MAST4: variants seen among roughly 807,000 people sequenced by gnomAD.
MAST4 encodes microtubule associated serine/threonine kinase family member 4, also known as microtubule-associated serine/threonine-protein kinase 4.
MAST4 carries 89 observed loss-of-function variants against 162.7 expected under a neutral mutation model. The observed-to-expected ratio is 0.55, with a 90% CI of 0.46 to 0.65. The LOEUF (loss-of-function observed/expected upper bound fraction) is 0.65. MAST4 is among the 30% of genes least tolerant of loss of function. The pLI is 0.00. For synonymous variants in MAST4, 1,479 were observed against 1,361.1 expected, an observed-to-expected ratio of 1.09 and a Z score of -1.91; for missense variants, 3,153 against 3,374.0, an observed-to-expected ratio of 0.93 and a Z score of 1.62.
chr5:67,065,483 T>C (rs1439627297), intron 5 of MAST4, among the ~76,000 whole-genome samples: 2 of 152,180 alleles, frequency 1.3e-5, no homozygotes, highest in Non-Finnish European at 2.9e-5. Context: ...GCAAACTAAC[T>C]GTTCCACAGA....
At chr5:66,797,258 T>A (rs1276493392) in intron 3 of MAST4, among the ~76,000 whole-genome samples, 1 of 152,214 alleles carries the variant, frequency 6.6e-6, no homozygotes, top group Admixed American at 6.5e-5. Flanking sequence ...GATTTTGGGA[T>A]GTAGCATTTC....
chr5:66,951,726 A>G (rs1443084560), intron 4 of MAST4, among the ~76,000 whole-genome samples: 1 of 150,480 alleles, frequency 6.6e-6, no homozygotes, highest in Non-Finnish European at 1.5e-5. Context: ...TGGAGTTAGT[A>G]ATTGGGGTGT....
intron 4 of MAST4, among the ~76,000 whole-genome samples, chr5:66,927,993 C>A (rs1327322770): frequency 6.6e-6 from 1 of 152,170 alleles, no homozygotes; most frequent in African/African-American, 2.4e-5. Flanking sequence ...TTTCTCTGGT[C>A]TGTACGTCTA....
At chr5:67,125,725 G>A (rs1412296157) in intron 14 of MAST4, among the ~76,000 whole-genome samples, 2 of 152,150 alleles carry the variant, frequency 1.3e-5, no homozygotes. Flanking sequence ...GTGTGCATGT[G>A]TCTTAATAGT....
intron 22 of MAST4, among the ~76,000 whole-genome samples, 169 bp downstream of exon 22, chr5:67,144,965 A>G (rs1770877929): frequency 6.6e-6 from 1 of 152,190 alleles, no homozygotes; most frequent in African/African-American, 2.4e-5. Flanking sequence ...TGCATTTCTG[A>G]CAAGTATCTA....
chr5:67,128,759 G>T (rs1768560359), intron 14 of MAST4, among the ~76,000 whole-genome samples: 1 of 151,996 alleles, frequency 6.6e-6, no homozygotes, highest in East Asian at 1.9e-4. Flanking sequence ...TTCAGGGATG[G>T]CTAAGTAACT....
At chr5:66,818,623 A>AT (rs1303474927) in intron 3 of MAST4, among the ~76,000 whole-genome samples, 9 of 152,124 alleles carry the variant, frequency 5.9e-5, no homozygotes, top group African/African-American at 2.2e-4. Flanking sequence ...CACTATATGC[A>AT]TATGTATGTG....
chr5:67,053,915 CATTT>C (rs1758480110), intron 4 of MAST4, among the ~76,000 whole-genome samples: 1 of 152,126 alleles, frequency 6.6e-6, no homozygotes, highest in South Asian at 2.1e-4. Context: ...TGGTGAGACA[CATTT>C]ATCTTAGGCA....
At chr5:66,628,574 A>C (rs995106790) in intron 1 of MAST4, among the ~76,000 whole-genome samples, 11 of 152,010 alleles carry the variant, frequency 7.2e-5, no homozygotes, top group Admixed American at 7.2e-4. Context: ...GCAAAGGAAA[A>C]ATTATTATTA....
chr5:67,159,275 C>T (rs987653765), intron 26 of MAST4, among the ~76,000 whole-genome samples: 7 of 150,920 alleles, frequency 4.6e-5, no homozygotes, highest in South Asian at 2.1e-4. Context: ...TTTACACATG[C>T]GTGAGAAAAA....
At chr5:66,926,951 C>CTATGTT (rs1764951177) in intron 4 of MAST4, among the ~76,000 whole-genome samples, 1 of 151,972 alleles carries the variant, frequency 6.6e-6, no homozygotes, top group Admixed American at 6.6e-5. Context: ...GAGCCTTCAG[C>CTATGTT]TATGTTTATG....
chr5:66,938,294 T>C (rs1319535504), intron 4 of MAST4, among the ~76,000 whole-genome samples: 1 of 152,188 alleles, frequency 6.6e-6, no homozygotes, highest in Non-Finnish European at 1.5e-5. Context: ...ATAAGAAATA[T>C]TAAAATTTAA....
At chr5:66,702,040 A>T (rs1455024200) in intron 1 of MAST4, among the ~76,000 whole-genome samples, 4 of 152,168 alleles carry the variant, frequency 2.6e-5, no homozygotes, top group Admixed American at 6.5e-5. Flanking sequence ...TTTTGCTCAG[A>T]TAATTGTGAG....
In MAST4 at chr5:66,596,838, T is replaced by TCAGCCGCCG; in HGVS notation, c.185_193dup (p.Gln62_Pro64dup). The TCAGCCGCCG allele has an allele frequency of 8.0e-7, 1 of 1,244,822 alleles. No individual in the cohort carries two copies. Among genetic ancestry groups the TCAGCCGCCG allele is most frequent in the East Asian group, 3.6e-5 (1 of 27,588 alleles). The allele number at this position is 1,244,822 out of a possible 1,614,324, so 77.1% of individuals were successfully genotyped here. On this transcript the variant is annotated inframe_insertion, in exon 1 of 29. Coordinates refer to ENST00000403625, the MANE Select transcript of MAST4 (RefSeq NM_001164664.2). ...AGCCCGGCGGCTTCTCCAGAGAGCA[T>TCAGCCGCCG]CAGCCGCCGCCGCCGCCGCCGTTGG...
intron 1 of MAST4, among the ~76,000 whole-genome samples, chr5:66,757,077 A>G (rs1753584295): frequency 6.6e-6 from 1 of 151,618 alleles, no homozygotes; most frequent in Non-Finnish European, 1.5e-5. Context: ...CATGTCTTTT[A>G]TGGCTTTCCT....
rs143124827 is a variant in MAST4, at chr5:66,659,281, C to T, written c.363+62263C>T. On this transcript the variant is annotated intron_variant, in intron 1 of 28. Transcript: ENST00000403625. ...CTTGATGACTATTCGGCCAATCAGA[C>T]GATGGGAAGTATAGCTTCCTTGTTT... Among the ~76,000 whole-genome samples the T allele has an allele frequency of 9.9e-5, 15 of 152,264 alleles. No homozygotes were observed. In the East Asian group the frequency reaches 1.5e-3, roughly 16 times the overall value.
intron 3 of MAST4, among the ~76,000 whole-genome samples, chr5:66,882,917 C>A (rs970832657): frequency 1.1e-4 from 17 of 152,238 alleles, no homozygotes; most frequent in African/African-American, 3.9e-4. Context: ...ATTACCGATA[C>A]AAGAAGAAGC....
intron 1 of MAST4, among the ~76,000 whole-genome samples, chr5:66,666,229 A>G (rs1057234045): frequency 5.3e-5 from 8 of 152,210 alleles, no homozygotes; most frequent in African/African-American, 7.2e-5. Context: ...ACCTTGGCTC[A>G]TATTTTTATT....
intron 5 of MAST4, among the ~76,000 whole-genome samples, chr5:67,072,059 C>T (rs1761064525): frequency 6.6e-6 from 1 of 152,050 alleles, no homozygotes; most frequent in Non-Finnish European, 1.5e-5. Flanking sequence ...AATATGCATG[C>T]ATGTGTGTTT....
Sources: allele counts gnomAD v4.1 joint callset (sites outside exome capture counted in the v4.1 genomes callset), GRCh38; gene constraint gnomAD v4.1.1; transcripts MANE v1.5; gene names NCBI Gene and HGNC (gene_info 2026-07-23, HGNC 2026-07-21).